The following DCDC1 variants were observed in gnomAD, a reference collection of about 807,000 sequenced individuals.
DCDC1 encodes doublecortin domain-containing protein 1.
DCDC1 carries 200 observed loss-of-function variants against 178.3 expected under a neutral mutation model. The ratio of observed to expected loss-of-function variants is 1.12; its 90% CI spans 1.00 to 1.26. DCDC1 has a LOEUF of 1.26. Among genes scored for constraint, DCDC1 ranks in the 50% most tolerant of loss-of-function variants. The pLI, the probability that DCDC1 is intolerant of heterozygous loss-of-function variation, is 0.00. For missense variants in DCDC1, 1,983 were observed against 1,749.2 expected (o/e 1.13, Z -2.38); for synonymous variants, 690 against 604.8 (o/e 1.14, Z -2.07).
chr11:31,127,480 G>C lies in DCDC1; in HGVS notation c.1474C>G (p.Leu492Val). ...AGAACGACACCCACCTTAAGCTGCAGGCCTCCTGGGACAAGCGTGTTTGCT... is the reference window on the plus strand; with the variant it reads ...AGAACGACACCCACCTTAAGCTGCACGCCTCCTGGGACAAGCGTGTTTGCT... ...LPANTLVPGG[L>V]QLKVFENGKN... Residue 492 changes from leucine (L) to valine (V), a missense_variant, in exon 11 of 39, where the codon CTG becomes GTG. Transcript: ENST00000684477. The C allele has an allele frequency of 1.4e-6, 1 of 702,378 alleles. No individual in the cohort carries two copies. The highest frequency in any genetic ancestry group is 2.6e-6 in the Non-Finnish European group (1 of 384,598). 43.5% of individuals were successfully genotyped at this position (702,378 alleles called of 1,614,324 possible).
At chr11:31,089,841 A>G (rs564566744) in intron 17 of DCDC1, among the ~76,000 whole-genome samples, 7 of 152,282 alleles carry the variant, frequency 4.6e-5, no homozygotes, top group African/African-American at 1.7e-4. Flanking sequence ...CTTCTTGAAT[A>G]TACAGAATAC....
chr11:31,066,323 T>C (rs4067330), intron 18 of DCDC1, among the ~76,000 whole-genome samples: 51,800 of 152,006 alleles, frequency 0.34, 9,206 homozygotes, highest in Middle Eastern at 0.38. Flanking sequence ...GGTACTATTA[T>C]TGTGCTCATT....
chr11:31,044,161 G>A (rs187398524), intron 20 of DCDC1, among the ~76,000 whole-genome samples: 1 of 152,194 alleles, frequency 6.6e-6, no homozygotes, highest in East Asian at 1.9e-4. Flanking sequence ...GTTGGCGACA[G>A]AAGGAAAAGT....
At chr11:31,004,949 C>T (rs944264943) in intron 20 of DCDC1, among the ~76,000 whole-genome samples, 40 of 152,024 alleles carry the variant, frequency 2.6e-4, no homozygotes, top group African/African-American at 9.2e-4. Context: ...AAACTATTAA[C>T]ATATGTAATT....
chr11:30,894,455 C>T, intron 34 of DCDC1, 71 bp from the exon 35 acceptor site: 1 of 1,580,438 alleles, frequency 6.3e-7, no homozygotes, highest in Non-Finnish European at 8.6e-7. Context: ...ACTGATTTGG[C>T]TCTCTATGTA....
intron 8 of DCDC1, among the ~76,000 whole-genome samples, chr11:31,263,652 T>C (rs1288903378): frequency 6.6e-6 from 1 of 152,208 alleles, no homozygotes; most frequent in Non-Finnish European, 1.5e-5. Flanking sequence ...AAACAATAAG[T>C]ATCAAACTAT....
At chr11:31,169,213 A>G (rs1391758360) in intron 9 of DCDC1, among the ~76,000 whole-genome samples, 2 of 152,128 alleles carry the variant, frequency 1.3e-5, no homozygotes, top group African/African-American at 2.4e-5. Flanking sequence ...GAGGGGAACA[A>G]CATACACTGG....
At chr11:31,101,914 G>A (rs937340386) in intron 15 of DCDC1, among the ~76,000 whole-genome samples, 1 of 151,714 alleles carries the variant, frequency 6.6e-6, no homozygotes, top group Admixed American at 6.6e-5. Flanking sequence ...CCATCTCTAC[G>A]AAAAGTACAA....
intron 9 of DCDC1, among the ~76,000 whole-genome samples, chr11:31,158,266 G>A (rs1284553960): frequency 6.6e-6 from 1 of 151,140 alleles, no homozygotes; most frequent in Non-Finnish European, 1.5e-5. Context: ...CCGCCATCAC[G>A]CCCGGCTAAT....
intron 38 of DCDC1, among the ~76,000 whole-genome samples, chr11:30,874,585 A>G (rs1159493062): frequency 2.6e-5 from 4 of 152,102 alleles, no homozygotes; most frequent in Non-Finnish European, 5.9e-5. Context: ...AGATTTTTAG[A>G]GGCACTAACC....
intron 9 of DCDC1, among the ~76,000 whole-genome samples, chr11:31,138,004 G>T (rs924691897): frequency 6.6e-6 from 1 of 152,106 alleles, no homozygotes; most frequent in African/African-American, 2.4e-5. Context: ...GATTACTAAA[G>T]ATGACTTAGG....
rs565745171 is a variant in DCDC1 at position 31,101,538 on chromosome 11, C to T, written c.1983+639G>A. Among the ~76,000 whole-genome samples, 14 of 152,234 alleles carry T rather than the reference C, an allele frequency of 9.2e-5. No individual in the cohort carries two copies. The East Asian group carries it at 2.3e-3, about 25-fold the overall frequency. On this transcript the variant is annotated intron_variant, in intron 15 of 38. Transcript: ENST00000684477. ...CCTAAACTATAGAGATAGCAGCCATCTTAAAGACTTCCTTAAATAACTCCA... is the reference window on the plus strand; with the variant it reads ...CCTAAACTATAGAGATAGCAGCCATTTTAAAGACTTCCTTAAATAACTCCA...
At chr11:30,968,695 TTA>T (rs568125334) in intron 20 of DCDC1, among the ~76,000 whole-genome samples, 3 of 69,638 alleles carry the variant, frequency 4.3e-5, no homozygotes, top group Non-Finnish European at 6.2e-5. Flanking sequence ...ATATATCAAA[TTA>T]TATATATATC....
Position 30,905,003 on chromosome 11 carries a change from C to G in DCDC1, c.4266G>C (p.Gly1422=), listed in dbSNP as rs1050140435. Residue 1422 remains glycine, a synonymous_variant, in exon 31 of 39, where the codon GGG becomes GGC. Transcript: ENST00000684477. ...CCACAATTAACTTCCCATTACGATA[C>G]CCATCCCCATTTTTGTATGCAATTA... ...VKIIAYKNGD[G]YRNGKLIVAG... 1 of 1,613,830 alleles carries G rather than the reference C, an allele frequency of 6.2e-7. No homozygotes were observed. The highest frequency in any genetic ancestry group is 2.2e-5 in the East Asian group (1 of 44,876).
intron 11 of DCDC1, among the ~76,000 whole-genome samples, chr11:31,121,543 C>T (rs1960807139): frequency 6.6e-6 from 1 of 150,502 alleles, no homozygotes; most frequent in South Asian, 2.1e-4. Flanking sequence ...AACGTTAAGA[C>T]CAAACCAAAA....
At chr11:30,970,863 G>A (rs574032253) in intron 20 of DCDC1, among the ~76,000 whole-genome samples, 66 of 152,156 alleles carry the variant, frequency 4.3e-4, no homozygotes, top group Non-Finnish European at 9.0e-4. Context: ...AGGTCAAGTT[G>A]GCCCAGCCCA....
chr11:31,212,512 C>CAA (rs1972688516), intron 9 of DCDC1, among the ~76,000 whole-genome samples: 1 of 151,814 alleles, frequency 6.6e-6, no homozygotes, highest in African/African-American at 2.4e-5. Context: ...GCTAACTGGG[C>CAA]AAAGATATGA....
chr11:31,242,529 T>C (rs1356484985), intron 8 of DCDC1, among the ~76,000 whole-genome samples: 1 of 151,940 alleles, frequency 6.6e-6, no homozygotes, highest in Non-Finnish European at 1.5e-5. Flanking sequence ...TATATACATG[T>C]GACACAAACT....
chr11:31,336,253 A>G (rs992743396), intron 1 of DCDC1, among the ~76,000 whole-genome samples: 1 of 152,194 alleles, frequency 6.6e-6, no homozygotes, highest in African/African-American at 2.4e-5. Context: ...GCATCTGGGC[A>G]AAGATATGAA....
Sources: allele counts gnomAD v4.1 joint callset (sites outside exome capture counted in the v4.1 genomes callset), GRCh38; gene constraint gnomAD v4.1.1; transcripts MANE v1.5; gene names NCBI Gene and HGNC (gene_info 2026-07-23, HGNC 2026-07-21).